AKR1C2: variants seen among roughly 807,000 people sequenced by gnomAD.
The protein encoded by AKR1C2 is 3-alpha-HSD3.
Under a neutral mutation model 39.8 loss-of-function variants are expected in AKR1C2, and 27 were observed. The ratio of observed to expected loss-of-function variants is 0.68; its 90% CI spans 0.50 to 0.93. The LOEUF (loss-of-function observed/expected upper bound fraction) is 0.93. AKR1C2 is among the 40% of genes least tolerant of loss of function. The pLI, the probability that AKR1C2 is intolerant of heterozygous loss-of-function variation, is 0.00. For missense variants in AKR1C2, 263 were observed against 365.1 expected (o/e 0.72, Z 2.28); for synonymous variants, 114 against 137.9 (o/e 0.83, Z 1.22).
At chr10:5,009,358 G>A (rs1377805880) in intron 1 of AKR1C2, among the ~76,000 whole-genome samples, 1 of 152,086 alleles carries the variant, frequency 6.6e-6, no homozygotes, top group East Asian at 1.9e-4. Flanking sequence ...TTTTACTATT[G>A]CTCAATACTA....
chr10:4,990,754 A>T (rs1265353316), intron 8 of AKR1C2, among the ~76,000 whole-genome samples: 3 of 151,868 alleles, frequency 2.0e-5, no homozygotes, highest in African/African-American at 7.3e-5. Context: ...CAAGTGGTTT[A>T]CTCCAGACCA....
chr10:4,999,770 G>A (rs541441144), intron 3 of AKR1C2: 10 of 221,296 alleles, frequency 4.5e-5, no homozygotes, highest in Non-Finnish European at 7.8e-5. Flanking sequence ...AGGAGCTCAC[G>A]GTAATGAACA....
At chr10:5,013,064 G>A (rs1162533243) in intron 1 of AKR1C2, among the ~76,000 whole-genome samples, 2 of 152,156 alleles carry the variant, frequency 1.3e-5, no homozygotes, top group East Asian at 1.9e-4. Context: ...GGACAAGGGA[G>A]AAGATTTTGA....
At chr10:4,998,893 G>C (rs185766674) in intron 4 of AKR1C2, 146 bp from the exon 5 acceptor site, 208 of 1,390,756 alleles carry the variant, frequency 1.5e-4, no homozygotes, top group Non-Finnish European at 5.5e-5. Context: ...AAATAAAACA[G>C]AAAAATTGGG....
chr10:5,012,565 C>T (rs1837545271), intron 1 of AKR1C2, among the ~76,000 whole-genome samples: 1 of 151,332 alleles, frequency 6.6e-6, no homozygotes, highest in Non-Finnish European at 1.5e-5. Context: ...GTGCCATGAG[C>T]CAAGGAACAC....
At chr10:4,999,381 G>A (rs1315118554) in intron 3 of AKR1C2, 104 bp from the exon 4 acceptor site, 2 of 1,603,166 alleles carry the variant, frequency 1.2e-6, no homozygotes. Flanking sequence ...TGAGGTAGGT[G>A]ATGCAGCGCT....
chr10:4,989,438 C>CA lies in AKR1C2; in HGVS notation c.*557_*558insT, dbSNP rs1233274858. 3 of 151,442 alleles carry CA rather than the reference C, an allele frequency of 2.0e-5. No individual in the cohort carries two copies. Among genetic ancestry groups the CA allele is most frequent in the Admixed American group, 6.6e-5 (1 of 15,142 alleles). The allele number at this position is 151,442 out of a possible 1,614,324, so 9.4% of individuals were successfully genotyped here. On this transcript the variant is annotated 3_prime_UTR_variant, in exon 9 of 9. Transcript: ENST00000380753. ...CCTGGTGCCCTCCCATCTCCCTAAC[C>CA]CCCCCTCACAGGGATGCCTCCTCCC...
At chr10:4,998,989 C>G (rs1244536782) in intron 4 of AKR1C2, among the ~76,000 whole-genome samples, 3 of 152,152 alleles carry the variant, frequency 2.0e-5, no homozygotes, top group African/African-American at 7.2e-5. Flanking sequence ...GGAAAGAAAT[C>G]CCAGTCCTCC....
At chr10:5,001,830 G>A in intron 1 of AKR1C2, 149 bp from the exon 2 acceptor site, 1 of 1,070,728 alleles carries the variant, frequency 9.3e-7, no homozygotes, top group Non-Finnish European at 1.3e-6. Flanking sequence ...AGTCTGACTG[G>A]GTCTTTCCCA....
At chr10:5,006,974 A>G (rs1352825351), upstream of AKR1C2, among the ~76,000 whole-genome samples, 3 of 149,774 alleles carry the variant, frequency 2.0e-5, no homozygotes, top group Middle Eastern at 3.4e-3. Flanking sequence ...GGGTTTCACT[A>G]TGGTAGCCAG....
chr10:5,013,355 C>A (rs533716346), intron 1 of AKR1C2: 1 of 152,330 alleles, frequency 6.6e-6, no homozygotes, highest in Non-Finnish European at 1.5e-5. Flanking sequence ...AAAAGAAATA[C>A]ACATAACCGT....
intron 5 of AKR1C2, among the ~76,000 whole-genome samples, chr10:4,997,916 A>G (rs1437414938): frequency 1.3e-5 from 2 of 152,222 alleles, no homozygotes; most frequent in African/African-American, 4.8e-5. Flanking sequence ...AGAACCATGC[A>G]TAGAATAGAT....
intron 1 of AKR1C2, among the ~76,000 whole-genome samples, chr10:5,002,832 C>A (rs568484392): frequency 6.6e-6 from 1 of 152,120 alleles, no homozygotes; most frequent in Non-Finnish European, 1.5e-5. Context: ...TTACCAAGGC[C>A]GGAGCTTCAG....
rs1361648325 is a variant in AKR1C2 at position 4,989,237 on chromosome 10, A to G, written c.*759T>C. 1 of 152,232 alleles carries G rather than the reference A, an allele frequency of 6.6e-6. No individual in the cohort carries two copies. Among genetic ancestry groups the G allele is most frequent in the African/African-American group, 2.4e-5 (1 of 41,442 alleles). The allele number at this position is 152,232 out of a possible 1,614,324, so 9.4% of individuals were successfully genotyped here. On this transcript the variant is annotated 3_prime_UTR_variant, in exon 9 of 9. Coordinates refer to ENST00000380753, the MANE Select transcript of AKR1C2 (RefSeq NM_001393392.1). The stretch of plus-strand genomic sequence containing the variant: ...GGGTCAACGTTGTGAATGGGCACAC[A>G]TCAAAGATTCAGGCCTGACTCTCAG...
upstream of AKR1C2, chr10:5,006,326 G>C (rs1385047149): frequency 6.6e-6 from 1 of 152,182 alleles, no homozygotes; most frequent in Non-Finnish European, 1.5e-5. Context: ...CTAAAAGCCA[G>C]ACAAAGAGAT....
chr10:4,998,511 C>G lies in AKR1C2; in HGVS notation c.570+114G>C, dbSNP rs140777747. On this transcript the variant is annotated intron_variant, in intron 5 of 8. Coordinates refer to ENST00000380753, the MANE Select transcript of AKR1C2 (RefSeq NM_001393392.1). ...TGCCCTTCTAGGAAGAGGCTTTGTT[C>G]TCTAGAATCTTCTCTTTTACAAAGA... The G allele has an allele frequency of 1.2e-5, 18 of 1,535,962 alleles. No individual in the cohort carries two copies. In the East Asian group the frequency reaches 4.1e-4, roughly 35 times the overall value.
At position 5,001,673 on chromosome 10, in the gene AKR1C2, T is replaced by C. The variant is rs782354310; in HGVS notation, c.93A>G (p.Lys31=). The C allele has an allele frequency of 3.1e-6, 5 of 1,613,776 alleles. No individual in the cohort carries two copies. In the Admixed American group the frequency reaches 8.3e-5, roughly 27 times the overall value. Reference sequence around the variant, plus strand: ...ATTTGACGGCCTCTAGAGCTTTACTTTTAGGAACCTGGGGGAGCAACCAAA... The same window carrying C: ...ATTTGACGGCCTCTAGAGCTTTACTCTTAGGAACCTGGGGGAGCAACCAAA... ...FGTYAPAEVP[K]SKALEAVKLA... Residue 31 remains lysine, a synonymous_variant, in exon 2 of 9, where the codon AAA becomes AAG. Coordinates refer to ENST00000380753, the MANE Select transcript of AKR1C2 (RefSeq NM_001393392.1).
chr10:5,000,330 G>A (rs1837218414), intron 3 of AKR1C2: 11 of 1,518,230 alleles, frequency 7.2e-6, no homozygotes, highest in Middle Eastern at 2.2e-4. Context: ...AGGCTTTGAG[G>A]ATTCTGCACT....
chr10:5,008,259 G>A (rs1255864099), upstream of AKR1C2, among the ~76,000 whole-genome samples: 1 of 137,884 alleles, frequency 7.3e-6, no homozygotes, highest in Non-Finnish European at 1.6e-5. Flanking sequence ...CTTTATGTTG[G>A]GGCTCCAGAC....
Sources: allele counts gnomAD v4.1 joint callset (sites outside exome capture counted in the v4.1 genomes callset), GRCh38; gene constraint gnomAD v4.1.1; transcripts MANE v1.5; gene names NCBI Gene and HGNC (gene_info 2026-07-23, HGNC 2026-07-21).